GLRA2: variants seen among roughly 807,000 people sequenced by gnomAD.
GLRA2 encodes the protein glycine receptor alpha 2.
Under a neutral mutation model 31.6 loss-of-function variants are expected in GLRA2, and 11 were observed. The ratio of observed to expected loss-of-function variants is 0.35; its 90% CI spans 0.22 to 0.58. The LOEUF (loss-of-function observed/expected upper bound fraction) is 0.58, where lower values mean the gene tolerates loss of function less well. GLRA2 is among the 20% of genes least tolerant of loss of function. The pLI, the probability that GLRA2 is intolerant of heterozygous loss-of-function variation, is 0.84. For synonymous variants in GLRA2, 132 were observed against 134.0 expected (o/e 0.99, Z 0.10); for missense variants, 212 against 351.8 (o/e 0.60, Z 3.18).
At chrX:14,538,916 C>A (rs769725539) in intron 2 of GLRA2, among the ~76,000 whole-genome samples, 67 of 111,514 alleles carry the variant, frequency 6.0e-4, no homozygotes, top group Middle Eastern at 4.6e-3. Context: ...GAAATGGAAG[C>A]CCATAATTTA....
intron 2 of GLRA2, among the ~76,000 whole-genome samples, chrX:14,533,264 T>C (rs1178086858): frequency 9.0e-6 from 1 of 110,719 alleles, no homozygotes; most frequent in Non-Finnish European, 1.9e-5. Flanking sequence ...CTGGATATTA[T>C]GTAGCAATTC....
At chrX:14,599,702 T>A (rs1186106062) in intron 4 of GLRA2, among the ~76,000 whole-genome samples, 1 of 111,997 alleles carries the variant, frequency 8.9e-6, no homozygotes, top group Non-Finnish European at 1.9e-5. Context: ...TAAATCTGGA[T>A]CTGAAAGCTT....
At chrX:14,590,221 G>T (rs969329658) in intron 4 of GLRA2, among the ~76,000 whole-genome samples, 1 of 110,855 alleles carries the variant, frequency 9.0e-6, no homozygotes, top group Non-Finnish European at 1.9e-5. Flanking sequence ...TCAGTATTCT[G>T]CCTTCCCAGT....
At position 14,539,174 on chromosome X, in the gene GLRA2, G is replaced by A. The variant is rs186648338; in HGVS notation, c.202+6802G>A. Among the ~76,000 whole-genome samples the A allele has an allele frequency of 4.6e-3, 505 of 110,469 alleles. 2 individuals are homozygous for A. Among genetic ancestry groups the A allele is most frequent in the Non-Finnish European group, 8.3e-3 (434 of 52,573 alleles). On this transcript the variant is annotated intron_variant, in intron 2 of 8. Coordinates refer to ENST00000218075, the MANE Select transcript of GLRA2 (RefSeq NM_002063.4). Reference sequence around the variant, plus strand: ...TTCAGTTGGGGCAGTTAGGTTTAGAGTGAGAAAAAAAATAAGTCATTAGTT... The same window carrying A: ...TTCAGTTGGGGCAGTTAGGTTTAGAATGAGAAAAAAAATAAGTCATTAGTT...
intron 8 of GLRA2, 144 bp downstream of exon 8, chrX:14,691,003 T>A (rs997515243): frequency 3.4e-5 from 19 of 556,903 alleles, no homozygotes; most frequent in Non-Finnish European, 2.8e-6. Context: ...GACTTAGTGC[T>A]CAGCTTAGGC....
intron 2 of GLRA2, among the ~76,000 whole-genome samples, chrX:14,539,351 T>C (rs766702510): frequency 9.0e-6 from 1 of 111,567 alleles, no homozygotes; most frequent in East Asian, 2.8e-4. Context: ...TAGGATGCTG[T>C]CCTGACTGTT....
At chrX:14,604,947 T>C (rs1350163188) in intron 5 of GLRA2, among the ~76,000 whole-genome samples, 3 of 110,505 alleles carry the variant, frequency 2.7e-5, no homozygotes, top group Non-Finnish European at 5.7e-5. Flanking sequence ...ATAAGAGGCA[T>C]TTCTCTTAGA....
At chrX:14,699,933 C>T (rs775682202) in intron 8 of GLRA2, among the ~76,000 whole-genome samples, 36 of 111,790 alleles carry the variant, frequency 3.2e-4, no homozygotes, top group African/African-American at 1.1e-3. Context: ...ATGATGAGAA[C>T]GCAGGGACAC....
Position 14,609,038 on chromosome X carries a change from G to A in GLRA2, c.763G>A (p.Gly255Arg). ...CAAGTTTCATCTGGAACGCCAAATG[G>A]GATATTATTTGATCCAGATGTACAT... Reference protein sequence around the residue: ...EVKFHLERQMGYYLIQMYIPS... With the variant: ...EVKFHLERQMRYYLIQMYIPS... Residue 255 changes from glycine to arginine, a missense_variant, in exon 7 of 9, where the codon GGA (glycine) becomes AGA (arginine). Transcript: ENST00000218075. The A allele has an allele frequency of 8.4e-7, 1 of 1,183,739 alleles. No individual in the cohort carries two copies. The highest frequency in any genetic ancestry group is 1.1e-6 in the Non-Finnish European group (1 of 870,903).
intron 2 of GLRA2, among the ~76,000 whole-genome samples, chrX:14,548,941 G>A (rs754056703): frequency 9.0e-6 from 1 of 111,630 alleles, no homozygotes; most frequent in South Asian, 3.8e-4. Context: ...AAATTGAGTA[G>A]TTCTCAAGTA....
At position 14,672,876 on chromosome X, in the gene GLRA2, G is replaced by A. The variant is rs1437560356; in HGVS notation, c.931-17834G>A. 4.5e-5 allele frequency among the ~76,000 whole-genome samples: 5 copies of A among 111,159 alleles called. No individual in the cohort carries two copies. The Admixed American group carries it at 4.8e-4, about 11-fold the overall frequency. ...AGCTGATTAACTTCAAGAGCTTTAG[G>A]TTAGAACACACTAGGCTTGAGCGCC... On this transcript the variant is annotated intron_variant, in intron 7 of 8. Transcript: ENST00000218075.
At chrX:14,477,735 T>C in the GLRA2 span, among the ~76,000 whole-genome samples, 1 of 111,126 alleles carries the variant, frequency 9.0e-6, no homozygotes, top group Non-Finnish European at 1.9e-5. Flanking sequence ...TTAAAGTAGC[T>C]TGTGTTAAGT....
intron 8 of GLRA2, among the ~76,000 whole-genome samples, chrX:14,719,993 T>C (rs917928466): frequency 9.0e-6 from 1 of 111,053 alleles, no homozygotes; most frequent in African/African-American, 3.3e-5. Context: ...AAAAAGTAGA[T>C]CTCATAGAGG....
intron 2 of GLRA2, among the ~76,000 whole-genome samples, chrX:14,564,261 G>C (rs1218952555): frequency 9.1e-6 from 1 of 109,940 alleles, no homozygotes; most frequent in Admixed American, 9.7e-5. Context: ...ACTATCAACT[G>C]GTTTCTCAGT....
the GLRA2 span, among the ~76,000 whole-genome samples, chrX:14,455,325 C>T: frequency 1.5e-4 from 17 of 111,512 alleles, no homozygotes; most frequent in East Asian, 4.2e-3. Flanking sequence ...CAAGATGGAA[C>T]GAGTGTCAGC....
the GLRA2 span, among the ~76,000 whole-genome samples, chrX:14,450,119 G>A: frequency 8.9e-6 from 1 of 112,036 alleles, no homozygotes; most frequent in Non-Finnish European, 1.9e-5. Flanking sequence ...AGCGTGAGCT[G>A]TGTGGGCCAC....
intron 7 of GLRA2, among the ~76,000 whole-genome samples, chrX:14,636,226 C>G (rs185832844): frequency 1.8e-5 from 2 of 111,682 alleles, no homozygotes; most frequent in Admixed American, 1.9e-4. Flanking sequence ...GAGCATAACT[C>G]CCTATTACTT....
At chrX:14,504,990 A>C in the GLRA2 span, among the ~76,000 whole-genome samples, 1 of 112,065 alleles carries the variant, frequency 8.9e-6, no homozygotes, top group Non-Finnish European at 1.9e-5. Context: ...AGGTGTCAGC[A>C]GTTACTTCAA....
At chrX:14,535,844 G>A (rs1183515980) in intron 2 of GLRA2, among the ~76,000 whole-genome samples, 1 of 111,931 alleles carries the variant, frequency 8.9e-6, no homozygotes, top group Non-Finnish European at 1.9e-5. Flanking sequence ...TAAACATTAG[G>A]CTTTTAATGA....
Sources: gnomAD v4.1 joint callset for allele counts (sites outside exome capture counted in the v4.1 genomes callset) on GRCh38, gnomAD v4.1.1 for gene constraint, MANE v1.5 for transcripts, NCBI Gene and HGNC (gene_info 2026-07-23, HGNC 2026-07-21) for gene names.